The following JAKMIP3 variants were observed in gnomAD, a reference collection of about 807,000 sequenced individuals.
The protein encoded by JAKMIP3 is janus kinase and microtubule-interacting protein 3.
Under a neutral mutation model 118.5 loss-of-function variants are expected in JAKMIP3, and 58 were observed. The ratio of observed to expected loss-of-function variants is 0.49; its 90% CI spans 0.40 to 0.61. JAKMIP3 has a LOEUF of 0.61. JAKMIP3 is among the 20% of genes least tolerant of loss of function. The pLI, the probability that JAKMIP3 is intolerant of heterozygous loss-of-function variation, is 0.00. For synonymous variants in JAKMIP3, 486 were observed against 451.2 expected (o/e 1.08, Z -0.98); for missense variants, 950 against 1,109.0 (o/e 0.86, Z 2.04).
intron 14 of JAKMIP3, among the ~76,000 whole-genome samples, chr10:132,148,312 C>G (rs1008452887): frequency 2.6e-5 from 4 of 152,214 alleles, no homozygotes; most frequent in African/African-American, 9.6e-5. Context: ...AGGCCAGCCG[C>G]CCAAAGCACG....
chr10:132,132,360 G>A (rs574451448), intron 3 of JAKMIP3, among the ~76,000 whole-genome samples: 5 of 152,280 alleles, frequency 3.3e-5, no homozygotes, highest in East Asian at 1.9e-4. Context: ...ATCTAGTGCC[G>A]TGGAAAATGA....
At chr10:132,180,788 T>TGTGTGCGTGTGCGCGC in intron 23 of JAKMIP3, among the ~76,000 whole-genome samples, 1 of 10,726 alleles carries the variant, frequency 9.3e-5, no homozygotes, top group East Asian at 0.019. Flanking sequence ...TGTGTGCGCG[T>TGTGTGCGTGTGCGCGC]ATGCATGTGC....
chr10:132,086,185 A>T (rs1474414084), intron 1 of JAKMIP3, among the ~76,000 whole-genome samples: 1 of 151,948 alleles, frequency 6.6e-6, no homozygotes, highest in Non-Finnish European at 1.5e-5. Context: ...TTCCTTTTGG[A>T]GTTGATTTCC....
chr10:132,136,099 G>A (rs375923152), intron 6 of JAKMIP3, 23 bp downstream of exon 6: 76 of 1,611,252 alleles, frequency 4.7e-5, no homozygotes, highest in Admixed American at 1.5e-4. Context: ...GGGGCTCCAC[G>A]GGGCCACGGT....
intron 10 of JAKMIP3, among the ~76,000 whole-genome samples, chr10:132,141,101 G>A (rs145629337): frequency 2.6e-5 from 4 of 152,356 alleles, no homozygotes; most frequent in African/African-American, 7.2e-5. Context: ...GCACCAGGTC[G>A]GGGCTTGGTG....
At chr10:132,123,870 G>C (rs1027915581) in intron 3 of JAKMIP3, among the ~76,000 whole-genome samples, 7 of 152,184 alleles carry the variant, frequency 4.6e-5, no homozygotes, top group Non-Finnish European at 7.3e-5. Flanking sequence ...AAATGATGAG[G>C]GGGTCCCTGA....
In JAKMIP3 at chr10:132,177,805, CTG is replaced by C. The variant is rs1326937226; in HGVS notation, c.*1104-4549_*1104-4548del. ...TGGGTAGTGTGCGTGTGTGTGCACA[CTG>C]TGCATTTGGTTGTGCGTGCGCACCT... On this transcript the variant is annotated intron_variant, in intron 23 of 23. Transcript: ENST00000684848. Among the ~76,000 whole-genome samples, 20 of 145,826 alleles carry C rather than the reference CTG, an allele frequency of 1.4e-4. No individual in the cohort carries two copies. In the East Asian group the frequency reaches 1.4e-3, roughly 11 times the overall value.
At chr10:132,138,227 G>A (rs373726541) in intron 9 of JAKMIP3, 49 bp downstream of exon 9, 107 of 1,517,830 alleles carry the variant, frequency 7.0e-5, no homozygotes, top group Middle Eastern at 1.9e-4. Flanking sequence ...GGGTGTGTGC[G>A]GAGAGGACCA....
rs114670776 is a variant in JAKMIP3, at chr10:132,183,654, G to A, written c.*2401G>A. ...TGCTGAATAACATCCAAACTGCATC[G>A]CGTCTCTGCCCCATTCCTGAAAGCA... is the stretch of plus-strand genomic sequence containing the variant. On this transcript the variant is annotated 3_prime_UTR_variant, in exon 24 of 24. Coordinates refer to ENST00000684848, the MANE Select transcript of JAKMIP3 (RefSeq NM_001323087.2). 1.7e-4 allele frequency: 26 copies of A among 152,278 alleles called. No individual in the cohort carries two copies. The highest frequency in any genetic ancestry group is 5.8e-4 in the African/African-American group (24 of 41,562). 9.4% of individuals were successfully genotyped at this position (152,278 alleles called of 1,614,324 possible).
Position 132,149,509 on chromosome 10 carries a change from C to A in JAKMIP3, c.1946C>A (p.Thr649Lys). 1.3e-6 allele frequency: 2 copies of A among 1,555,812 alleles called. No individual in the cohort carries two copies. Among genetic ancestry groups the A allele is most frequent in the Non-Finnish European group, 1.7e-6 (2 of 1,150,390 alleles). The change falls in exon 15 of 24, where the codon ACG (threonine) becomes AAG (lysine). Residue 649 changes from threonine (T) to lysine (K), a missense_variant and splice_region_variant. Thr to Lys is a moderately conservative substitution (Grantham distance 78). Transcript: ENST00000684848. ...LQVYCEAEGV[T>K]DIVVAELMKK... Reference sequence around the variant, plus strand: ...GTGTACTGCGAGGCCGAAGGTGTGACGGTGAGTCCCGCCCCTCCTGCCCAC... The same window carrying A: ...GTGTACTGCGAGGCCGAAGGTGTGAAGGTGAGTCCCGCCCCTCCTGCCCAC...
At chr10:132,181,852 T>TCCCGCC (rs1228509187) in intron 23 of JAKMIP3, among the ~76,000 whole-genome samples, 2 of 150,272 alleles carry the variant, frequency 1.3e-5, no homozygotes, top group Non-Finnish European at 2.9e-5. Context: ...GTGCCCTCGC[T>TCCCGCC]CCCGCCCCTC....
Position 132,163,381 on chromosome 10 carries a change from A to C in JAKMIP3, c.2393A>C (p.Glu798Ala). 6.2e-7 allele frequency: 1 copy of C among 1,605,292 alleles called. No individual in the cohort carries two copies. Among genetic ancestry groups the C allele is most frequent in the African/African-American group, 1.3e-5 (1 of 74,950 alleles). ...LRERDAQILR[E>A]RMELLQLAQQ... is the part of the protein sequence containing the mutation. ...GAGCGGGACGCCCAGATCCTGCGGGAGCGCATGGAGCTGCTGCAGCTGGCT... is the reference window on the plus strand; with the variant it reads ...GAGCGGGACGCCCAGATCCTGCGGGCGCGCATGGAGCTGCTGCAGCTGGCT... Residue 798 changes from glutamate (E) to alanine (A), a missense_variant, in exon 20 of 24, where the codon GAG (glutamate) becomes GCG (alanine). Glu to Ala is a moderately radical substitution (Grantham distance 107). Transcript: ENST00000684848.
intron 19 of JAKMIP3, among the ~76,000 whole-genome samples, chr10:132,159,212 GTGGGGGCATCTCTCCCT>G (rs2057492608): frequency 1.1e-5 from 1 of 93,000 alleles, no homozygotes. Flanking sequence ...GTGTGATGCT[GTGGGGGCATCTCTCCCT>G]GTGTGATGCT....
chr10:132,053,047 A>G lies in JAKMIP3; in HGVS notation c.-138+16309A>G, dbSNP rs1296132672. The stretch of plus-strand genomic sequence containing the variant: ...TGGTTTCCTGGTTCTCATTGGCTAA[A>G]TATTAGGACATGTTTGTGGGGTTTC... On this transcript the variant is annotated intron_variant, in intron 1 of 23. Coordinates refer to the JAKMIP3 transcript ENST00000657785. 2.0e-5 allele frequency among the ~76,000 whole-genome samples: 3 copies of G among 152,092 alleles called. No individual in the cohort carries two copies. In the East Asian group the frequency reaches 5.8e-4, roughly 29 times the overall value.
intron 1 of JAKMIP3, among the ~76,000 whole-genome samples, chr10:132,080,340 G>A (rs1001565423): frequency 3.3e-5 from 5 of 151,988 alleles, no homozygotes; most frequent in African/African-American, 4.8e-5. Flanking sequence ...GTGAGGTGGC[G>A]TTGCATAGTG....
chr10:132,071,940 T>TTC (rs2134005301), intron 1 of JAKMIP3, among the ~76,000 whole-genome samples: 1 of 19,268 alleles, frequency 5.2e-5, no homozygotes, highest in South Asian at 2.1e-3. Flanking sequence ...TCTTTCCTTT[T>TTC]TTTCCTTTCT....
Position 132,153,037 on chromosome 10 carries a change from T to A in JAKMIP3, c.2073+14T>A. 1 of 1,601,210 alleles carries A rather than the reference T, an allele frequency of 6.2e-7. No homozygotes were observed. The highest frequency in any genetic ancestry group is 8.5e-7 in the Non-Finnish European group (1 of 1,173,370). On this transcript the variant is annotated intron_variant, in intron 17 of 23. Transcript: ENST00000684848. ...TTGGCCGAAAAGGTAACAGCAGCTG[T>A]GTGGACAGTCGGGAGAGGGCCGGGC...
chr10:132,057,618 C>T (rs1002868013), intron 1 of JAKMIP3, among the ~76,000 whole-genome samples: 1 of 152,252 alleles, frequency 6.6e-6, no homozygotes, highest in Admixed American at 6.5e-5. Flanking sequence ...CTGTCGTCAC[C>T]TGAGCAGCCC....
At chr10:132,152,935 C>A in intron 16 of JAKMIP3, 23 bp from the exon 17 acceptor site, 1 of 1,587,358 alleles carries the variant, frequency 6.3e-7, no homozygotes, top group Non-Finnish European at 8.6e-7. Context: ...CTGACCGCAC[C>A]TGTGTTCTGC....
Sources: allele counts gnomAD v4.1 joint callset (sites outside exome capture counted in the v4.1 genomes callset), GRCh38; gene constraint gnomAD v4.1.1; transcripts MANE v1.5; gene names NCBI Gene and HGNC (gene_info 2026-07-23, HGNC 2026-07-21).